The following PPRC1 variants were observed in gnomAD, a reference collection of about 807,000 sequenced individuals.
The protein encoded by PPRC1 is PPARG related coactivator 1, also known as peroxisome proliferator-activated receptor gamma coactivator-related protein 1.
Under a neutral mutation model 132.5 loss-of-function variants are expected in PPRC1, and 23 were observed. That is an observed-to-expected ratio of 0.17 (90% confidence interval 0.12 to 0.25). PPRC1 has a LOEUF of 0.25. PPRC1 is among the 10% of genes least tolerant of loss of function. The pLI is 1.00. For synonymous variants in PPRC1, 872 were observed against 833.5 expected, an observed-to-expected ratio of 1.05 and a Z score of -0.80; for missense variants, 2,006 against 2,089.1, an observed-to-expected ratio of 0.96 and a Z score of 0.78.
In PPRC1 at chr10:102,141,634, A is replaced by G; in HGVS notation, c.3126A>G (p.Leu1042=). The G allele has an allele frequency of 2.5e-6, 4 of 1,614,112 alleles. No individual in the cohort carries two copies. The highest frequency in any genetic ancestry group is 3.4e-6 in the Non-Finnish European group (4 of 1,180,010). The change falls in exon 5 of 14, where the codon CTA becomes CTG. Residue 1042 remains leucine, a synonymous_variant. Transcript: ENST00000278070. ...TGGCTCCTCCCCTCAGTCTTGGGCT[A>G]CCTGGCCATGGAGCTCCTCAGACAG... is the stretch of plus-strand genomic sequence containing the variant. ...LSMAPPLSLG[L]PGHGAPQTEP...
rs767154941 is a variant in PPRC1 at position 102,149,193 on chromosome 10, C to T, written c.4755C>T (p.Phe1585=). 3.5e-5 allele frequency: 56 copies of T among 1,594,024 alleles called. No homozygotes were observed. The highest frequency in any genetic ancestry group is 4.1e-5 in the Non-Finnish European group (48 of 1,169,226). The part of the protein sequence containing the change: ...HFRVQGDNYG[F]VTYRYAEEAF... ...CTCCTACTAGGGACAACTACGGCTT[C>T]GTCACTTATCGCTATGCTGAGGAGG... Residue 1585 remains phenylalanine, a synonymous_variant, in exon 13 of 14, where the codon TTC becomes TTT. Coordinates refer to ENST00000278070, the MANE Select transcript of PPRC1 (RefSeq NM_015062.5).
chr10:102,142,965 G>A, intron 5 of PPRC1, 80 bp from the exon 6 acceptor site: 1 of 1,266,498 alleles, frequency 7.9e-7, no homozygotes, highest in Non-Finnish European at 1.1e-6. Flanking sequence ...GGAGAAGTGA[G>A]ATGATTTGGG....
At chr10:102,130,461 C>G (rs959643822), upstream of PPRC1, among the ~76,000 whole-genome samples, 1 of 147,204 alleles carries the variant, frequency 6.8e-6, no homozygotes, top group Non-Finnish European at 1.5e-5. Context: ...CAGGGCTGGG[C>G]GCAGTGGCTC....
rs1403946434 is a variant in PPRC1, at chr10:102,149,253, G to T, written c.4815G>T (p.Arg1605=). 1.9e-5 allele frequency: 31 copies of T among 1,612,726 alleles called. No homozygotes were observed. Among genetic ancestry groups the T allele is most frequent in the Non-Finnish European group, 2.5e-5 (30 of 1,179,428 alleles). ...CCATTGAGAGTGGCCACAAGCTGCG[G>T]CAGGCAGATGAGCAGCCCTTTGATC... ...FAAIESGHKL[R]QADEQPFDLC... The change falls in exon 13 of 14, where the codon CGG becomes CGT. Residue 1605 remains arginine, a synonymous_variant. Transcript: ENST00000278070.
In PPRC1 at chr10:102,148,362, T is replaced by C. The variant is rs1278316745; in HGVS notation, c.4401-10T>C. On this transcript the variant is annotated splice_polypyrimidine_tract_variant and intron_variant, in intron 9 of 13. Transcript: ENST00000278070. This position sits in a 1 kb window ranked among gnomAD's most constrained non-coding sequence, Gnocchi z 4.2. The stretch of plus-strand genomic sequence containing the variant: ...CTCCCAGCATTCCTGCATGCCCTCT[T>C]ATCCTTCAGGTCCAGCTGTAGTTCC... The C allele has an allele frequency of 1.2e-6, 2 of 1,612,326 alleles. No homozygotes were observed. The highest frequency in any genetic ancestry group is 1.3e-5 in the African/African-American group (1 of 74,880).
rs748004997 is a variant in PPRC1, at chr10:102,140,073, G to T, written c.1565G>T (p.Arg522Leu). The change falls in exon 5 of 14, where the codon CGG (arginine) becomes CTG (leucine). Residue 522 changes from arginine (R) to leucine (L), a missense_variant. Arg to Leu is a moderately radical substitution (Grantham distance 102). Coordinates refer to ENST00000278070, the MANE Select transcript of PPRC1 (RefSeq NM_015062.5). Reference sequence around the variant, plus strand: ...CCTCTCCAGGGTAAGGGGAAGCCCCGGGCTTGGGCTCGGGCCTGGGCAGCT... The same window carrying T: ...CCTCTCCAGGGTAAGGGGAAGCCCCTGGCTTGGGCTCGGGCCTGGGCAGCT... ...SGPLQGKGKP[R>L]AWARAWAAAL... 7 of 1,614,242 alleles carry T rather than the reference G, an allele frequency of 4.3e-6. No homozygotes were observed. The highest frequency in any genetic ancestry group is 5.9e-6 in the Non-Finnish European group (7 of 1,180,040).
At chr10:102,144,937 C>T (rs757211995) in intron 7 of PPRC1, 83 bp from the exon 8 acceptor site, 297 of 1,138,310 alleles carry the variant, frequency 2.6e-4, no homozygotes, top group Admixed American at 5.6e-4. Flanking sequence ...CACCCACCCC[C>T]TCCCATTGAT....
chr10:102,138,952 C>T lies in PPRC1; in HGVS notation c.563C>T (p.Pro188Leu). 1 of 1,614,066 alleles carries T rather than the reference C, an allele frequency of 6.2e-7. No homozygotes were observed. ...DLITPVDPLG[P>L]STGSSRGSGV... is the part of the protein sequence containing the mutation. ...ATCACCCCAGTTGACCCACTGGGGC[C>T]CAGTACAGGCAGCAGTAGAGGGAGT... The change falls in exon 4 of 14, where the codon CCC becomes CTC. Residue 188 changes from proline to leucine, a missense_variant. Pro to Leu is a moderately conservative substitution (Grantham distance 98). This residue lies in a region of PPRC1 where 1,914 missense variants were observed against 1,917.2 expected (regional missense o/e 1.00). Transcript: ENST00000278070.
chr10:102,135,409 T>C (rs1295712377), intron 1 of PPRC1, among the ~76,000 whole-genome samples: 2 of 152,186 alleles, frequency 1.3e-5, no homozygotes, highest in Admixed American at 1.3e-4. Context: ...AATGGAGTCT[T>C]GCTTTGTCAC....
the PPRC1 span, among the ~76,000 whole-genome samples, chr10:102,126,324 AGAGT>A: frequency 5.6e-5 from 8 of 143,594 alleles, no homozygotes; most frequent in Non-Finnish European, 1.1e-4. Flanking sequence ...CTTGAATGAC[AGAGT>A]GAGACTGACT....
At chr10:102,144,157 A>G in intron 6 of PPRC1, 93 bp from the exon 7 acceptor site, 1 of 1,265,358 alleles carries the variant, frequency 7.9e-7, no homozygotes, top group Non-Finnish European at 1.2e-6. Context: ...GGCAAAGTGG[A>G]TTTTCCTCCT....
chr10:102,120,560 A>T, the PPRC1 span: 1 of 214,954 alleles, frequency 4.7e-6, no homozygotes, highest in African/African-American at 2.4e-5. Flanking sequence ...GAGCCGTGTC[A>T]AAGTGACCCG....
In PPRC1 at chr10:102,147,368, C is replaced by G. The variant is rs752609595; in HGVS notation, c.4376C>G (p.Ser1459Cys). Residue 1459 changes from serine (S) to cysteine (C), a missense_variant, in exon 9 of 14, where the codon TCC becomes TGC. By Grantham distance (112) the Ser-to-Cys change is moderately radical (BLOSUM62 -1). Coordinates refer to ENST00000278070, the MANE Select transcript of PPRC1 (RefSeq NM_015062.5). ...TCCCGATCTCGGTCCAGGTCCCTCT[C>G]CCCCCCACACAAGAGGTGGCGAAGG... is the stretch of plus-strand genomic sequence containing the variant. ...SSSRSRSRSL[S>C]PPHKRWRRSS... 16 of 1,605,450 alleles carry G rather than the reference C, an allele frequency of 1.0e-5. No individual in the cohort carries two copies. In the South Asian group the frequency reaches 1.4e-4, roughly 14 times the overall value.
chr10:102,133,022 G>T, upstream of PPRC1: 1 of 1,237,668 alleles, frequency 8.1e-7, no homozygotes. Flanking sequence ...TCGGCTGGGC[G>T]AGGCGGCGCC....
Position 102,145,101 on chromosome 10 carries a change from G to C in PPRC1, c.3679+11G>C, listed in dbSNP as rs1460372777. 3 of 1,608,934 alleles carry C rather than the reference G, an allele frequency of 1.9e-6. No homozygotes were observed. The African/African-American group carries it at 4.0e-5, about 22-fold the overall frequency. Reference sequence around the variant, plus strand: ...TGGCCAACGTGGCAGGTGGGTTCAGGGTGGGGAATTCTGCCTGTGATTAGT... The same window carrying C: ...TGGCCAACGTGGCAGGTGGGTTCAGCGTGGGGAATTCTGCCTGTGATTAGT... On this transcript the variant is annotated intron_variant, in intron 8 of 13. Coordinates refer to ENST00000278070, the MANE Select transcript of PPRC1 (RefSeq NM_015062.5).
In PPRC1 at chr10:102,147,251, A is replaced by G; in HGVS notation, c.4259A>G (p.Gln1420Arg). ...RSASPSSQGW[Q>R]GRRGRNSRSV... ...GCCAGCCCCTCAAGCCAGGGCTGGC[A>G]GGGCCGCCGAGGCCGCAACAGCCGT... The change falls in exon 9 of 14, where the codon CAG becomes CGG. Residue 1420 changes from glutamine to arginine, a missense_variant. By Grantham distance (43) the Gln-to-Arg change is conservative (BLOSUM62 1). This residue lies in a region of PPRC1 where 1,914 missense variants were observed against 1,917.2 expected (regional missense o/e 1.00). Transcript: ENST00000278070. 1 of 1,613,064 alleles carries G rather than the reference A, an allele frequency of 6.2e-7. No individual in the cohort carries two copies.
chr10:102,126,378 C>G, the PPRC1 span, among the ~76,000 whole-genome samples: 1 of 150,496 alleles, frequency 6.6e-6, no homozygotes, highest in East Asian at 1.9e-4. Flanking sequence ...TCCAAACAGA[C>G]AGCAGATGAT....
rs2069296479 is a variant in PPRC1, at chr10:102,147,236, C to T, written c.4244C>T (p.Ser1415Leu). 1 of 1,613,256 alleles carries T rather than the reference C, an allele frequency of 6.2e-7. No homozygotes were observed. ...AAAGCCTGCAGGTCAGCCAGCCCCTCAAGCCAGGGCTGGCAGGGCCGCCGA... is the reference window on the plus strand; with the variant it reads ...AAAGCCTGCAGGTCAGCCAGCCCCTTAAGCCAGGGCTGGCAGGGCCGCCGA... The part of the protein sequence containing the change: ...YRKACRSASP[S>L]SQGWQGRRGR... The change falls in exon 9 of 14, where the codon TCA becomes TTA. Residue 1415 changes from serine to leucine, a missense_variant. Physicochemically the swap from Ser to Leu is moderately radical, Grantham distance 145 (BLOSUM62 -2). Around this residue, in one of 2 missense-constraint regions of PPRC1, gnomAD observed 1,914 missense variants for 1,917.2 expected, o/e 1.00. Coordinates refer to ENST00000278070, the MANE Select transcript of PPRC1 (RefSeq NM_015062.5).
chr10:102,123,418 G>A, the PPRC1 span, among the ~76,000 whole-genome samples: 1 of 152,168 alleles, frequency 6.6e-6, no homozygotes, highest in Non-Finnish European at 1.5e-5. Flanking sequence ...TTAACTTAAT[G>A]ACAATGTCCT....
Sources: gnomAD v4.1 joint callset for allele counts (sites outside exome capture counted in the v4.1 genomes callset) on GRCh38, gnomAD v4.1.1 for gene constraint, gnomAD v4.1.1 regional missense constraint, Gnocchi (gnomAD v3.1) non-coding constraint, MANE v1.5 for transcripts, NCBI Gene and HGNC (gene_info 2026-07-23, HGNC 2026-07-21) for gene names.